TPRG1: variants seen among roughly 807,000 people sequenced by gnomAD.
The protein encoded by TPRG1 is tumor protein p63 regulated 1.
A neutral mutation model predicts 29.3 loss-of-function variants in TPRG1; 29 were observed. The ratio of observed to expected loss-of-function variants is 0.99; its 90% confidence interval spans 0.74 to 1.35. The LOEUF is 1.35. Among genes scored for constraint, TPRG1 ranks in the 40% most tolerant of loss-of-function variants. The probability of loss-of-function intolerance (pLI) is 0.00; values close to 1 mark genes in which losing one functional copy is unlikely to be tolerated. For missense variants in TPRG1, 327 were observed against 335.0 expected (o/e 0.98, Z 0.19); for synonymous variants, 130 against 116.8 (o/e 1.11, Z -0.73).
At chr3:189,008,880 G>A (rs1182937020) in intron 3 of TPRG1, among the ~76,000 whole-genome samples, 1 of 152,130 alleles carries the variant, frequency 6.6e-6, no homozygotes, top group Non-Finnish European at 1.5e-5. Flanking sequence ...GAGTTTTTAA[G>A]CATTATTCTA....
intron 4 of TPRG1, among the ~76,000 whole-genome samples, chr3:189,088,968 ATATCTATCTATCTATCTATCTATC>A (rs36139441): frequency 2.7e-5 from 4 of 148,882 alleles, no homozygotes; most frequent in African/African-American, 9.9e-5. Flanking sequence ...GTATCTATTG[ATATCTATCTATCTATCTATCTATC>A]TATCTATCTA....
At position 189,235,830 on chromosome 3, in the gene TPRG1, T is replaced by A. The variant is rs115494076; in HGVS notation, c.303-2903T>A. Among the ~76,000 whole-genome samples, 875 of 152,272 alleles carry A rather than the reference T, an allele frequency of 5.7e-3. 6 individuals are homozygous for A. Among genetic ancestry groups the A allele is most frequent in the Non-Finnish European group, 9.2e-3 (626 of 68,018 alleles). ...GGGTGCAGAGCATTGAACAAGTCAT[T>A]TTAAGGATCTGTAGACCTTAGTTTG... On this transcript the variant is annotated intron_variant, in intron 3 of 5. Coordinates refer to ENST00000345063, the MANE Select transcript of TPRG1 (RefSeq NM_198485.4).
intron 5 of TPRG1, among the ~76,000 whole-genome samples, chr3:189,160,097 G>A (rs1727272111): frequency 6.6e-6 from 1 of 152,154 alleles, no homozygotes; most frequent in Admixed American, 6.5e-5. Context: ...AGGCAGAGCT[G>A]TTAGCCTGAG....
chr3:189,143,592 A>T (rs562330898), intron 3 of TPRG1, among the ~76,000 whole-genome samples: 1 of 152,298 alleles, frequency 6.6e-6, no homozygotes, highest in Admixed American at 6.5e-5. Flanking sequence ...TTGAGTCAGA[A>T]TCTTTTCCAG....
At chr3:189,298,999 C>G (rs1439559465) in intron 4 of TPRG1, among the ~76,000 whole-genome samples, 2 of 151,944 alleles carry the variant, frequency 1.3e-5, no homozygotes. Flanking sequence ...GTATTCCAGA[C>G]CATCTACTCC....
intron 4 of TPRG1, among the ~76,000 whole-genome samples, chr3:189,278,586 C>T (rs1359212086): frequency 1.3e-5 from 2 of 152,160 alleles, no homozygotes; most frequent in Non-Finnish European, 2.9e-5. Context: ...AAAAAAGGTA[C>T]TTAGGACTTA....
intron 5 of TPRG1, among the ~76,000 whole-genome samples, chr3:189,316,818 C>T (rs1560696566): frequency 6.6e-6 from 1 of 152,146 alleles, no homozygotes; most frequent in African/African-American, 2.4e-5. Context: ...AAGTATGTGG[C>T]TGGTGGCATT....
intron 1 of TPRG1, chr3:189,190,901 G>T: frequency 1.1e-6 from 1 of 937,410 alleles, no homozygotes; most frequent in Non-Finnish European, 1.3e-6. Context: ...TTACAGAAAG[G>T]CTGATCAAAA....
chr3:189,237,381 A>T (rs1373059697), intron 3 of TPRG1, among the ~76,000 whole-genome samples: 1 of 152,080 alleles, frequency 6.6e-6, no homozygotes, highest in African/African-American at 2.4e-5. Flanking sequence ...TACCTTCAGT[A>T]TTGTGGTGTA....
At chr3:189,195,330 G>T (rs1732359833) in intron 1 of TPRG1, among the ~76,000 whole-genome samples, 1 of 152,180 alleles carries the variant, frequency 6.6e-6, no homozygotes, top group Admixed American at 6.5e-5. Flanking sequence ...CCAAGAGGCA[G>T]AGTCCTGCTT....
chr3:189,080,645 G>C (rs74602813), intron 4 of TPRG1, among the ~76,000 whole-genome samples: 1 of 152,066 alleles, frequency 6.6e-6, no homozygotes, highest in Non-Finnish European at 1.5e-5. Flanking sequence ...AAGTCTGGAA[G>C]AATAAGTTGA....
At chr3:189,308,255 G>A (rs1204085017) in intron 4 of TPRG1, among the ~76,000 whole-genome samples, 2 of 152,116 alleles carry the variant, frequency 1.3e-5, no homozygotes, top group South Asian at 2.1e-4. Flanking sequence ...TGTCAAAACC[G>A]AGACTGTATC....
chr3:189,306,880 C>G (rs149830126), intron 4 of TPRG1, among the ~76,000 whole-genome samples: 96 of 152,264 alleles, frequency 6.3e-4, no homozygotes, highest in African/African-American at 2.2e-3. Context: ...AAGACACAAG[C>G]TAGTGAAAGT....
chr3:189,301,890 G>A (rs9857663), intron 4 of TPRG1, among the ~76,000 whole-genome samples: 13,623 of 152,186 alleles, frequency 0.09, 911 homozygotes, highest in African/African-American at 0.19. Context: ...AGACTGCTCT[G>A]GACCATGCAC....
At chr3:189,291,871 T>C (rs557240464) in intron 4 of TPRG1, among the ~76,000 whole-genome samples, 3 of 152,232 alleles carry the variant, frequency 2.0e-5, no homozygotes, top group African/African-American at 2.4e-5. Flanking sequence ...CAGAGTCACA[T>C]AGAAAGTTGG....
upstream of TPRG1, among the ~76,000 whole-genome samples, chr3:189,099,483 A>T (rs1718926690): frequency 6.6e-6 from 1 of 152,090 alleles, no homozygotes; most frequent in African/African-American, 2.4e-5. Context: ...CATCTCCTTC[A>T]GCCTTCCAGG....
chr3:189,219,898 TC>T, intron 3 of TPRG1: 1 of 356,418 alleles, frequency 2.8e-6, no homozygotes, highest in Non-Finnish European at 3.9e-6. Flanking sequence ...CTGGTGTCTA[TC>T]CCAGGGCTTC....
intron 4 of TPRG1, among the ~76,000 whole-genome samples, chr3:189,056,016 C>A: frequency 7.2e-6 from 1 of 139,320 alleles, no homozygotes; most frequent in Middle Eastern, 3.5e-3. Flanking sequence ...CTCTCCCTCC[C>A]TCCCTTCCCT....
At chr3:189,157,347 A>C (rs1726827344) in intron 5 of TPRG1, among the ~76,000 whole-genome samples, 1 of 152,256 alleles carries the variant, frequency 6.6e-6, no homozygotes, top group Non-Finnish European at 1.5e-5. Flanking sequence ...CTCAGGATGC[A>C]GTTAAGAGGC....
Sources: allele counts gnomAD v4.1 joint callset (sites outside exome capture counted in the v4.1 genomes callset), GRCh38; gene constraint gnomAD v4.1.1; transcripts MANE v1.5; gene names NCBI Gene and HGNC (gene_info 2026-07-23, HGNC 2026-07-21).